AFF1: variants seen among roughly 807,000 people sequenced by gnomAD.
AFF1 encodes ALF transcription elongation factor 1.
In AFF1, 48 loss-of-function variants were observed where a neutral mutation model predicts 121.7. The observed-to-expected ratio is 0.39, with a 90% CI of 0.31 to 0.50. AFF1 has a LOEUF of 0.50. AFF1 is among the 20% of genes least tolerant of loss of function. The pLI is 0.76. For missense variants in AFF1, 1,523 were observed against 1,511.7 expected (o/e 1.01, Z -0.12); for synonymous variants, 613 against 563.0 (o/e 1.09, Z -1.26).
At chr4:87,050,028 T>C (rs1024405712) in intron 4 of AFF1, among the ~76,000 whole-genome samples, 8 of 152,362 alleles carry the variant, frequency 5.3e-5, no homozygotes, top group African/African-American at 1.7e-4. Context: ...TTGAATTTTA[T>C]ATTTCAAATT....
At chr4:86,983,561 T>A (rs1209061849) in intron 2 of AFF1, among the ~76,000 whole-genome samples, 2 of 151,390 alleles carry the variant, frequency 1.3e-5, no homozygotes, top group African/African-American at 4.9e-5. Context: ...ATAAAAATAC[T>A]AAAAATATAA....
chr4:86,956,254 T>A (rs1448551092), intron 2 of AFF1, among the ~76,000 whole-genome samples: 1 of 152,220 alleles, frequency 6.6e-6, no homozygotes, highest in Admixed American at 6.5e-5. Flanking sequence ...GTCATTGTCA[T>A]ATGTAGTTTA....
chr4:87,091,914 C>A, intron 7 of AFF1, 85 bp downstream of exon 7: 1 of 982,152 alleles, frequency 1.0e-6, no homozygotes, highest in Non-Finnish European at 1.5e-6. Flanking sequence ...TAAAAAATGC[C>A]CCAGCAGAGA....
intron 2 of AFF1, among the ~76,000 whole-genome samples, chr4:86,991,012 C>T (rs993644310): frequency 6.6e-6 from 1 of 152,008 alleles, no homozygotes; most frequent in South Asian, 2.1e-4. Context: ...ATTAGCTGGG[C>T]GTGGTGGCGG....
intron 2 of AFF1, among the ~76,000 whole-genome samples, chr4:87,009,615 A>G (rs1726525464): frequency 6.6e-6 from 1 of 152,148 alleles, no homozygotes; most frequent in African/African-American, 2.4e-5. Context: ...CATTTTGTAA[A>G]TGTGCATTTT....
At chr4:86,940,041 G>A (rs552965989) in intron 1 of AFF1, among the ~76,000 whole-genome samples, 1 of 152,190 alleles carries the variant, frequency 6.6e-6, no homozygotes, top group Non-Finnish European at 1.5e-5. Flanking sequence ...AAGGCTGAGC[G>A]AGCACTGCTG....
chr4:87,071,621 C>T (rs1722065304), intron 4 of AFF1, among the ~76,000 whole-genome samples: 1 of 152,060 alleles, frequency 6.6e-6, no homozygotes, highest in African/African-American at 2.4e-5. Context: ...GGGCTGTGTG[C>T]CAGGTGGATG....
chr4:86,999,929 A>G (rs537956938), intron 2 of AFF1, among the ~76,000 whole-genome samples: 2 of 152,258 alleles, frequency 1.3e-5, no homozygotes, highest in African/African-American at 4.8e-5. Context: ...GAGAAAATAG[A>G]TGATGAGCCT....
chr4:87,060,851 A>AAAAAAAC (rs1720695667), intron 4 of AFF1, among the ~76,000 whole-genome samples: 4 of 49,156 alleles, frequency 8.1e-5, no homozygotes. Context: ...AAAAAAAAAA[A>AAAAAAAC]AAAAAAAAAA....
At chr4:86,996,387 T>C (rs1725197985) in intron 2 of AFF1, among the ~76,000 whole-genome samples, 1 of 151,378 alleles carries the variant, frequency 6.6e-6, no homozygotes, top group African/African-American at 2.4e-5. Flanking sequence ...CTAAGAAAAA[T>C]TCTTCTGCCT....
At chr4:87,128,609 A>G (rs182838645) in intron 16 of AFF1, among the ~76,000 whole-genome samples, 4 of 152,314 alleles carry the variant, frequency 2.6e-5, no homozygotes, top group African/African-American at 9.6e-5. Flanking sequence ...CAGGGGTCTG[A>G]ATCAGATTGA....
intron 2 of AFF1, chr4:86,949,807 C>T (rs1212080287): frequency 6.8e-6 from 11 of 1,613,840 alleles, no homozygotes; most frequent in Middle Eastern, 1.6e-4. Context: ...GGAGACACTG[C>T]GTCATGATGG....
intron 19 of AFF1, among the ~76,000 whole-genome samples, chr4:87,133,473 C>T (rs114113611): frequency 0.014 from 2,138 of 152,312 alleles, 52 homozygotes; most frequent in African/African-American, 0.049. Flanking sequence ...GAAGCAACTT[C>T]GTATTACCTC....
In AFF1 at chr4:86,981,051, C is replaced by T. The variant is rs537393659; in HGVS notation, c.38+32480C>T. Among the ~76,000 whole-genome samples the T allele has an allele frequency of 4.6e-4, 70 of 151,232 alleles. No individual in the cohort carries two copies. The Middle Eastern group carries it at 0.014, about 30-fold the overall frequency. On this transcript the variant is annotated intron_variant, in intron 2 of 20. Coordinates refer to ENST00000395146, the MANE Select transcript of AFF1 (RefSeq NM_001166693.3). ...GTTTTGAGACGGGGTCTCGCTCTGT[C>T]GCCCAGGCTGGAGTGCAGTGGCACA...
rs566272006 is a variant in AFF1, at chr4:87,044,418, A to T, written c.39-1748A>T. Among the ~76,000 whole-genome samples, 9 of 152,256 alleles carry T rather than the reference A, an allele frequency of 5.9e-5. No homozygotes were observed. In the South Asian group the frequency reaches 1.5e-3, roughly 25 times the overall value. ...GCTAAATTTGCGAGGTTCGTTTCTG[A>T]TGGAGTTCACATGCTAGGGGAGAAG... On this transcript the variant is annotated intron_variant, in intron 2 of 20. Coordinates refer to ENST00000395146, the MANE Select transcript of AFF1 (RefSeq NM_001166693.3).
chr4:87,099,053 C>T (rs1725157650), intron 8 of AFF1, among the ~76,000 whole-genome samples: 1 of 152,176 alleles, frequency 6.6e-6, no homozygotes, highest in African/African-American at 2.4e-5. Context: ...AGAATTAAGT[C>T]CAAAGACATG....
At chr4:86,953,804 C>G (rs1384028873) in intron 2 of AFF1, among the ~76,000 whole-genome samples, 1 of 152,016 alleles carries the variant, frequency 6.6e-6, no homozygotes, top group Non-Finnish European at 1.5e-5. Flanking sequence ...ACTGGAACCT[C>G]CATCTCCTGG....
chr4:87,005,899 T>C (rs1033715061), intron 2 of AFF1, among the ~76,000 whole-genome samples: 1 of 152,246 alleles, frequency 6.6e-6, no homozygotes, highest in Non-Finnish European at 1.5e-5. Flanking sequence ...GCCAGCAGTT[T>C]CCCCATAATT....
At chr4:87,045,239 G>A (rs1017694866) in intron 2 of AFF1, among the ~76,000 whole-genome samples, 5 of 152,220 alleles carry the variant, frequency 3.3e-5, no homozygotes, top group African/African-American at 1.2e-4. Context: ...AAACGGCATT[G>A]GGAGAAAACA....
Sources: allele counts gnomAD v4.1 joint callset (sites outside exome capture counted in the v4.1 genomes callset), GRCh38; gene constraint gnomAD v4.1.1; transcripts MANE v1.5; gene names NCBI Gene and HGNC (gene_info 2026-07-23, HGNC 2026-07-21).